The following CD3E variants were observed in gnomAD, a reference collection of about 807,000 sequenced individuals.
CD3E encodes CD3 epsilon subunit of T-cell receptor complex, also known as T-cell surface glycoprotein CD3 epsilon chain.
A neutral mutation model predicts 34.7 loss-of-function variants in CD3E; 16 were observed. The ratio of observed to expected loss-of-function variants is 0.46; its 90% confidence interval spans 0.31 to 0.70. CD3E has a LOEUF of 0.70. CD3E is among the 30% of genes least tolerant of loss of function. The pLI, the probability that CD3E is intolerant of heterozygous loss-of-function variation, is 0.05. For synonymous variants in CD3E, 70 were observed against 90.8 expected (o/e 0.77, Z 1.30); for missense variants, 223 against 253.9 (o/e 0.88, Z 0.83).
Position 118,314,502 on chromosome 11 carries a change from G to T in CD3E, c.567+8G>T, listed in dbSNP as rs922052819. On this transcript the variant is annotated splice_region_variant and intron_variant, in intron 8 of 8. Transcript: ENST00000361763. ...CCCAACCCAGACTATGAGGTAACGT[G>T]GGATAGAAATGGGCCAGGACGCTGG... 1 of 1,613,648 alleles carries T rather than the reference G, an allele frequency of 6.2e-7. No homozygotes were observed. The highest frequency in any genetic ancestry group is 8.5e-7 in the Non-Finnish European group (1 of 1,179,596).
rs1395596654 is a variant in CD3E, at chr11:118,312,782, T to G, written c.268T>G (p.Leu90Val). Residue 90 changes from leucine (L) to valine (V), a missense_variant, in exon 6 of 9, where the codon TTG (leucine) becomes GTG (valine). Coordinates refer to ENST00000361763, the MANE Select transcript of CD3E (RefSeq NM_000733.4). ...DHLSLKEFSE[L>V]EQSGYYVCYP... Reference sequence around the variant, plus strand: ...CCTGTCACTGAAGGAATTTTCAGAATTGGAGCAAAGTGGTTATTATGTCTG... The same window carrying G: ...CCTGTCACTGAAGGAATTTTCAGAAGTGGAGCAAAGTGGTTATTATGTCTG... 1.2e-6 allele frequency: 2 copies of G among 1,614,180 alleles called. No individual in the cohort carries two copies.
rs185185591 is a variant in CD3E, at chr11:118,314,500, G to A, written c.567+6G>A. 718 of 1,613,698 alleles carry A rather than the reference G, an allele frequency of 4.4e-4. 5 individuals carry two copies. The East Asian group carries it at 4.6e-3, about 10-fold the overall frequency. On this transcript the variant is annotated splice_donor_region_variant and intron_variant, in intron 8 of 8. Transcript: ENST00000361763. ...TTCCCAACCCAGACTATGAGGTAAC[G>A]TGGGATAGAAATGGGCCAGGACGCT...
At chr11:118,307,451 T>G (rs1293256937) in intron 3 of CD3E, 143 bp downstream of exon 3, 6 of 693,376 alleles carry the variant, frequency 8.7e-6, no homozygotes, top group Non-Finnish European at 9.9e-6. Flanking sequence ...CCTTTGACTT[T>G]CCTCACAAGT....
At position 118,315,811 on chromosome 11, in the gene CD3E, T is replaced by C. The variant is rs1948163508; in HGVS notation, c.*269T>C. 1.7e-5 allele frequency: 10 copies of C among 584,382 alleles called. No individual in the cohort carries two copies. The South Asian group carries it at 2.0e-4, about 12-fold the overall frequency. 36.2% of individuals were successfully genotyped at this position (584,382 alleles called of 1,614,324 possible). ...TGGCCTGCCCTCTTGCCAGGATATT[T>C]ATTTGTGCTATTCACTCCCTTCCCT... is the stretch of plus-strand genomic sequence containing the variant. On this transcript the variant is annotated 3_prime_UTR_variant, in exon 9 of 9. Transcript: ENST00000361763.
At chr11:118,307,792 G>C (rs1565510265) in intron 3 of CD3E, among the ~76,000 whole-genome samples, 1 of 152,162 alleles carries the variant, frequency 6.6e-6, no homozygotes, top group South Asian at 2.1e-4. Context: ...CTCAACCACA[G>C]CGGTAGAGTC....
intron 4 of CD3E, among the ~76,000 whole-genome samples, chr11:118,310,894 T>G (rs1324885217): frequency 2.0e-5 from 3 of 152,204 alleles, no homozygotes; most frequent in African/African-American, 7.2e-5. Flanking sequence ...AATGTTTTGT[T>G]TACATTCTGT....
At position 118,313,812 on chromosome 11, in the gene CD3E, A is replaced by C. The variant is rs200258299; in HGVS notation, c.458A>C (p.Lys153Thr). The C allele has an allele frequency of 5.1e-5, 82 of 1,613,990 alleles. No individual in the cohort carries two copies. Among genetic ancestry groups the C allele is most frequent in the Non-Finnish European group, 6.4e-5 (75 of 1,180,040 alleles). ...CTGCTGCTGGTTTACTACTGGAGCA[A>C]GAATAGAAAGGCCAAGGCCAAGCCT... ...GLLLLVYYWS[K>T]NRKAKAKPVT... Residue 153 changes from lysine (K) to threonine (T), a missense_variant, in exon 7 of 9, where the codon AAG becomes ACG. Coordinates refer to ENST00000361763, the MANE Select transcript of CD3E (RefSeq NM_000733.4).
At chr11:118,314,320 A>G (rs1948153136) in intron 7 of CD3E, 128 bp from the exon 8 acceptor site, 1 of 767,454 alleles carries the variant, frequency 1.3e-6, no homozygotes, top group African/African-American at 1.7e-5. Flanking sequence ...ACGTCTGAAC[A>G]GAAAAGGGAG....
chr11:118,314,948 TACACACACACATAC>T (rs1412789348), intron 8 of CD3E, among the ~76,000 whole-genome samples: 3 of 110,064 alleles, frequency 2.7e-5, no homozygotes, highest in African/African-American at 1.1e-4. Flanking sequence ...AACCCACCCT[TACACACACACATAC>T]ACACACACAC....
intron 6 of CD3E, 34 bp downstream of exon 6, chr11:118,312,900 T>C: frequency 6.2e-7 from 1 of 1,613,536 alleles, no homozygotes; most frequent in Non-Finnish European, 8.5e-7. Flanking sequence ...TACCACCGGC[T>C]CTTTAGGGAG....
chr11:118,315,983 C>T lies in CD3E; in HGVS notation c.*441C>T, dbSNP rs886047736. Reference sequence around the variant, plus strand: ...TGGGTAAATGTTGACAGAGGCCCTGCCCCGTTCACAGATCCTGGCCCTGAG... The same window carrying T: ...TGGGTAAATGTTGACAGAGGCCCTGTCCCGTTCACAGATCCTGGCCCTGAG... On this transcript the variant is annotated 3_prime_UTR_variant, in exon 9 of 9. Transcript: ENST00000361763. The T allele has an allele frequency of 3.9e-6, 1 of 259,626 alleles. No homozygotes were observed. Among genetic ancestry groups the T allele is most frequent in the Non-Finnish European group, 7.6e-6 (1 of 132,360 alleles). The allele number at this position is 259,626 out of a possible 1,614,324, so 16.1% of individuals were successfully genotyped here.
chr11:118,313,687 C>A lies in CD3E; in HGVS notation c.353-20C>A, dbSNP rs768570512. 1 of 1,611,352 alleles carries A rather than the reference C, an allele frequency of 6.2e-7. No homozygotes were observed. The highest frequency in any genetic ancestry group is 8.5e-7 in the Non-Finnish European group (1 of 1,177,858). On this transcript the variant is annotated intron_variant, in intron 6 of 8. Coordinates refer to ENST00000361763, the MANE Select transcript of CD3E (RefSeq NM_000733.4). ...TTCCTTGCTTAGTGATTTCCCCTCTCCCCACCCCACCCCCCACAGTGTGTG... is the reference window on the plus strand; with the variant it reads ...TTCCTTGCTTAGTGATTTCCCCTCTACCCACCCCACCCCCCACAGTGTGTG...
rs535271754 is a variant in CD3E at position 118,312,403 on chromosome 11, AAAGGTTCTCTAGTTCCCTTC to A, written c.104-193_104-174del. ...GCGTAAACCCTAAAGCCACCTCTCA[AAAGGTTCTCTAGTTCCCTTC>A]AAGGTTCTCTAGTTCCCTTCATTCC... On this transcript the variant is annotated intron_variant, in intron 5 of 8. Coordinates refer to ENST00000361763, the MANE Select transcript of CD3E (RefSeq NM_000733.4). 1,471 of 708,436 alleles carry A rather than the reference AAAGGTTCTCTAGTTCCCTTC, an allele frequency of 2.1e-3. 26 individuals are homozygous for A. The East Asian group carries it at 0.035, about 17-fold the overall frequency. 43.9% of individuals were successfully genotyped at this position (708,436 alleles called of 1,614,324 possible). A position where few individuals can be genotyped will look rare whatever the true frequency, so the allele number is the denominator to read the frequency against.
Position 118,314,444 on chromosome 11 carries a change from G to A in CD3E, c.521-4G>A, listed in dbSNP as rs199858597. ...ATGAAATGTTTCCCCTCCTTCCTCC[G>A]CAGGACAAAACAAGGAGAGGCCACC... is the stretch of plus-strand genomic sequence containing the variant. On this transcript the variant is annotated splice_polypyrimidine_tract_variant and splice_region_variant and intron_variant, in intron 7 of 8. Transcript: ENST00000361763. The A allele has an allele frequency of 3.0e-5, 49 of 1,613,646 alleles. No homozygotes were observed. The highest frequency in any genetic ancestry group is 1.2e-4 in the South Asian group (11 of 91,012).
intron 3 of CD3E, among the ~76,000 whole-genome samples, chr11:118,307,693 A>G (rs535397546): frequency 6.6e-6 from 1 of 152,362 alleles, no homozygotes; most frequent in African/African-American, 2.4e-5. Context: ...GTTCAGAATC[A>G]CATGTCTGAA....
chr11:118,312,504 T>C, intron 5 of CD3E, 114 bp from the exon 6 acceptor site: 1 of 1,247,668 alleles, frequency 8.0e-7, no homozygotes, highest in Non-Finnish European at 1.2e-6. Flanking sequence ...GACAAGCAAG[T>C]CTAAGATCTA....
intron 2 of CD3E, among the ~76,000 whole-genome samples, 177 bp downstream of exon 2, chr11:118,305,178 G>GT (rs1287001710): frequency 6.6e-6 from 1 of 152,248 alleles, no homozygotes; most frequent in Non-Finnish European, 1.5e-5. Flanking sequence ...TAGGCCACGG[G>GT]TGCCTGGGAG....
chr11:118,307,395 A>C (rs1948113239), intron 3 of CD3E, 87 bp downstream of exon 3: 1 of 1,199,134 alleles, frequency 8.3e-7, no homozygotes, highest in Admixed American at 1.8e-5. Flanking sequence ...TAGGCCTCCC[A>C]CAGAACTTCC....
chr11:118,313,745 G>T lies in CD3E; in HGVS notation c.391G>T (p.Ala131Ser). 6.2e-7 allele frequency: 1 copy of T among 1,614,130 alleles called. No individual in the cohort carries two copies. Among genetic ancestry groups the T allele is most frequent in the East Asian group, 2.2e-5 (1 of 44,888 alleles). The change falls in exon 7 of 9, where the codon GCC (alanine) becomes TCC (serine). Residue 131 changes from alanine to serine, a missense_variant. Transcript: ENST00000361763. ...NCMEMDVMSVATIVIVDICIT... is the reference protein window; with the variant it reads ...NCMEMDVMSVSTIVIVDICIT... The stretch of plus-strand genomic sequence containing the variant: ...CATGGAGATGGATGTGATGTCGGTG[G>T]CCACAATTGTCATAGTGGACATCTG...
Sources: allele counts gnomAD v4.1 joint callset (sites outside exome capture counted in the v4.1 genomes callset), GRCh38; gene constraint gnomAD v4.1.1; transcripts MANE v1.5; gene names NCBI Gene and HGNC (gene_info 2026-07-23, HGNC 2026-07-21).